Variants in DOCK5 observed in about 807,000 individuals in gnomAD.
DOCK5 encodes dedicator of cytokinesis 5, also known as dedicator of cytokinesis protein 5.
A neutral mutation model predicts 251.8 loss-of-function variants in DOCK5; 142 were observed. The ratio of observed to expected loss-of-function variants is 0.56; its 90% confidence interval spans 0.49 to 0.65. The LOEUF (loss-of-function observed/expected upper bound fraction) is 0.65. DOCK5 is among the 30% of genes least tolerant of loss of function. DOCK5 has a pLI of 0.00. For missense variants in DOCK5, 2,111 were observed against 2,312.3 expected (o/e 0.91, Z 1.79); for synonymous variants, 842 against 835.5 (o/e 1.01, Z -0.13).
intron 1 of DOCK5, among the ~76,000 whole-genome samples, chr8:25,233,746 G>A (rs1563318061): frequency 6.6e-6 from 1 of 151,428 alleles, no homozygotes; most frequent in East Asian, 1.9e-4. Context: ...ATTTTTTAGT[G>A]CTTCACTTTT....
chr8:25,295,648 A>G (rs1804599877), intron 6 of DOCK5, among the ~76,000 whole-genome samples: 1 of 152,076 alleles, frequency 6.6e-6, no homozygotes, highest in African/African-American at 2.4e-5. Context: ...CCCTCAAATA[A>G]TTGTTCATTG....
intron 42 of DOCK5, 25 bp from the exon 43 acceptor site, chr8:25,391,871 A>G: frequency 6.2e-7 from 1 of 1,609,366 alleles, no homozygotes; most frequent in Non-Finnish European, 8.5e-7. Flanking sequence ...AGAGAAAAAT[A>G]CAGCATTGCT....
At chr8:25,289,989 A>G (rs1804446231) in intron 5 of DOCK5, among the ~76,000 whole-genome samples, 1 of 152,122 alleles carries the variant, frequency 6.6e-6, no homozygotes. Context: ...TCCCCTATAT[A>G]CGCAAGATCA....
chr8:25,337,843 C>T (rs953538305), intron 22 of DOCK5, among the ~76,000 whole-genome samples: 4 of 152,052 alleles, frequency 2.6e-5, no homozygotes, highest in Admixed American at 6.5e-5. Context: ...CCTCGGCCTC[C>T]GAAAGTGCTG....
chr8:25,360,104 C>A (rs777267006), intron 28 of DOCK5, among the ~76,000 whole-genome samples: 5 of 152,208 alleles, frequency 3.3e-5, no homozygotes, highest in Non-Finnish European at 7.3e-5. Flanking sequence ...TCTCTTTGTT[C>A]TAGATTTTCC....
chr8:25,274,857 A>G (rs1804002528), intron 3 of DOCK5, among the ~76,000 whole-genome samples: 1 of 152,120 alleles, frequency 6.6e-6, no homozygotes, highest in Admixed American at 6.5e-5. Flanking sequence ...GGGACATGAA[A>G]CCTGTGTAAA....
chr8:25,217,229 G>A (rs1802271642), intron 1 of DOCK5, among the ~76,000 whole-genome samples: 2 of 149,792 alleles, frequency 1.3e-5, no homozygotes, highest in Non-Finnish European at 3.0e-5. Flanking sequence ...CATACAATAT[G>A]TATATATGTA....
chr8:25,309,868 G>A (rs1466901352), intron 12 of DOCK5, among the ~76,000 whole-genome samples: 3 of 151,870 alleles, frequency 2.0e-5, no homozygotes, highest in Non-Finnish European at 4.4e-5. Flanking sequence ...TGTTCTCAGA[G>A]GTTTAATAGC....
chr8:25,351,528 G>GT (rs1254442577), intron 26 of DOCK5: 2 of 543,052 alleles, frequency 3.7e-6, no homozygotes, highest in African/African-American at 3.8e-5. Context: ...CATCTTTTAA[G>GT]TGTTATGACT....
In DOCK5 at chr8:25,395,626, C is replaced by G. The variant is rs371668836; in HGVS notation, c.4611C>G (p.Ala1537=). The change falls in exon 45 of 52, where the codon GCC becomes GCG. Residue 1537 remains alanine, a synonymous_variant. Coordinates refer to ENST00000276440, the MANE Select transcript of DOCK5 (RefSeq NM_024940.8). ...ERISNCVQQH[A]WDRSLSVHPL... Reference sequence around the variant, plus strand: ...TCAGCAACTGTGTTCAGCAGCATGCCTGGGACCGGTCCCTCTCTGTGCACC... The same window carrying G: ...TCAGCAACTGTGTTCAGCAGCATGCGTGGGACCGGTCCCTCTCTGTGCACC... 3 of 1,613,646 alleles carry G rather than the reference C, an allele frequency of 1.9e-6. No individual in the cohort carries two copies. The South Asian group carries it at 3.3e-5, about 18-fold the overall frequency.
intron 2 of DOCK5, among the ~76,000 whole-genome samples, chr8:25,264,547 C>T (rs889134514): frequency 2.6e-5 from 4 of 151,698 alleles, no homozygotes; most frequent in African/African-American, 9.7e-5. Flanking sequence ...CTAAGGCAGC[C>T]AGGCACAGTG....
chr8:25,390,351 A>G, intron 42 of DOCK5, 64 bp downstream of exon 42: 1 of 1,399,464 alleles, frequency 7.1e-7, no homozygotes, highest in Non-Finnish European at 9.7e-7. Context: ...TCACATCTAT[A>G]ATCTCAACAT....
At chr8:25,237,532 C>G (rs1270342903) in intron 1 of DOCK5, among the ~76,000 whole-genome samples, 6 of 152,104 alleles carry the variant, frequency 3.9e-5, no homozygotes, top group Admixed American at 3.3e-4. Flanking sequence ...TCATGTAAGC[C>G]TGGTTTAAAA....
chr8:25,325,209 G>T (rs1586330489), intron 17 of DOCK5, among the ~76,000 whole-genome samples, 155 bp from the exon 18 acceptor site: 7 of 152,250 alleles, frequency 4.6e-5, no homozygotes, highest in African/African-American at 1.7e-4. Flanking sequence ...AATGTTTACA[G>T]AAAGATATCA....
At chr8:25,298,082 A>C (rs1263336899) in intron 7 of DOCK5, among the ~76,000 whole-genome samples, 2 of 150,242 alleles carry the variant, frequency 1.3e-5, no homozygotes, top group Admixed American at 1.3e-4. Flanking sequence ...AAAAAAACTT[A>C]CTCATATTTT....
intron 1 of DOCK5, among the ~76,000 whole-genome samples, chr8:25,201,150 G>A (rs912221374): frequency 2.0e-5 from 3 of 152,122 alleles, no homozygotes; most frequent in South Asian, 2.1e-4. Context: ...CAGGTGATCC[G>A]CCCACCTCGG....
At chr8:25,301,810 A>C (rs764909698) in intron 9 of DOCK5, among the ~76,000 whole-genome samples, 37 of 152,370 alleles carry the variant, frequency 2.4e-4, no homozygotes, top group Non-Finnish European at 4.7e-4. Context: ...CTCTCAATAG[A>C]GACCTCTCAT....
At chr8:25,341,083 T>A in intron 23 of DOCK5, 95 bp downstream of exon 23, 1 of 836,526 alleles carries the variant, frequency 1.2e-6, no homozygotes, top group Non-Finnish European at 1.9e-6. Flanking sequence ...AGAAACAAAG[T>A]GAATCATGGT....
chr8:25,401,713 G>A (rs1301296669), intron 47 of DOCK5, among the ~76,000 whole-genome samples: 1 of 152,150 alleles, frequency 6.6e-6, no homozygotes, highest in African/African-American at 2.4e-5. Context: ...CAGCCTGGGC[G>A]ACAGAGCGAG....
Sources: gnomAD v4.1 joint callset for allele counts (sites outside exome capture counted in the v4.1 genomes callset) on GRCh38, gnomAD v4.1.1 for gene constraint, MANE v1.5 for transcripts, NCBI Gene and HGNC (gene_info 2026-07-23, HGNC 2026-07-21) for gene names.